The following CAPN8 variants were observed in gnomAD, a reference collection of about 807,000 sequenced individuals.
The protein encoded by CAPN8 is calpain-8.
CAPN8 carries 87 observed loss-of-function variants against 80.9 expected under a neutral mutation model. The observed-to-expected ratio is 1.07, with a 90% confidence interval of 0.90 to 1.28. The LOEUF is 1.28. Ranked by LOEUF, CAPN8 falls within the 50% of genes most tolerant of loss-of-function variation. CAPN8 has a pLI of 0.00. For missense variants in CAPN8, 757 were observed against 702.0 expected (o/e 1.08, Z -0.89); for synonymous variants, 299 against 273.8 (o/e 1.09, Z -0.91).
intron 15 of CAPN8, 28 bp from the exon 16 acceptor site, chr1:223,549,410 G>C (rs1239348616): frequency 6.4e-7 from 1 of 1,551,566 alleles, no homozygotes. Context: ...AAAGGGGAGT[G>C]GGAATCGGAT....
chr1:223,654,425 A>C, intron 1 of CAPN8, 26 bp from the exon 2 acceptor site: 1 of 1,549,494 alleles, frequency 6.5e-7, no homozygotes, highest in Non-Finnish European at 8.7e-7. Flanking sequence ...AACAAAACAC[A>C]AGTCACAAGG....
At chr1:223,634,010 T>C (rs189201242) in intron 2 of CAPN8, among the ~76,000 whole-genome samples, 1 of 152,128 alleles carries the variant, frequency 6.6e-6, no homozygotes, top group Non-Finnish European at 1.5e-5. Flanking sequence ...CTCAGGTAGT[T>C]TGAAGCAGAA....
chr1:223,610,098 C>T (rs1462235700), intron 11 of CAPN8, among the ~76,000 whole-genome samples: 2 of 152,226 alleles, frequency 1.3e-5, no homozygotes, highest in African/African-American at 2.4e-5. Context: ...GTTATTATTG[C>T]TGTAATTAAG....
chr1:223,543,259 T>C, intron 19 of CAPN8, 93 bp from the exon 20 acceptor site: 1 of 1,419,002 alleles, frequency 7.0e-7, no homozygotes, highest in Non-Finnish European at 9.6e-7. Flanking sequence ...CATCCCCACC[T>C]GCGGAACTCT....
intron 2 of CAPN8, among the ~76,000 whole-genome samples, chr1:223,644,963 G>A (rs777359163): frequency 1.8e-4 from 28 of 152,142 alleles, no homozygotes; most frequent in Non-Finnish European, 3.4e-4. Context: ...AAGGAGTATT[G>A]ATTCACACGG....
At chr1:223,610,475 C>T (rs1252745248) in intron 11 of CAPN8, among the ~76,000 whole-genome samples, 1 of 152,156 alleles carries the variant, frequency 6.6e-6, no homozygotes, top group Non-Finnish European at 1.5e-5. Flanking sequence ...CCAAGGCCTA[C>T]ATGTCATGAG....
chr1:223,657,438 GT>G (rs756765542), intron 1 of CAPN8, among the ~76,000 whole-genome samples: 1 of 152,140 alleles, frequency 6.6e-6, no homozygotes, highest in Non-Finnish European at 1.5e-5. Context: ...CTCAATAGGG[GT>G]TTGGAAGAAT....
At chr1:223,616,189 A>C (rs1657181596) in intron 9 of CAPN8, 44 bp from the exon 10 acceptor site, 1 of 1,516,104 alleles carries the variant, frequency 6.6e-7, no homozygotes, top group South Asian at 1.3e-5. Context: ...GTAGCGGGTG[A>C]GGAGATGAAG....
chr1:223,645,838 G>C (rs1426986783), intron 2 of CAPN8, among the ~76,000 whole-genome samples: 1 of 152,188 alleles, frequency 6.6e-6, no homozygotes, highest in Non-Finnish European at 1.5e-5. Flanking sequence ...GAGGCACAAA[G>C]AGTCCTCCTG....
chr1:223,623,940 C>T (rs915321784), intron 6 of CAPN8, among the ~76,000 whole-genome samples: 12 of 148,082 alleles, frequency 8.1e-5, no homozygotes, highest in African/African-American at 2.8e-4. Context: ...TCAGAGGTTG[C>T]AGTGAGCCGA....
At chr1:223,557,957 G>A (rs907081561) in intron 13 of CAPN8, among the ~76,000 whole-genome samples, 174 bp downstream of exon 13, 4 of 152,176 alleles carry the variant, frequency 2.6e-5, no homozygotes, top group Admixed American at 2.0e-4. Flanking sequence ...CTGGGTTCCA[G>A]GGCTACTTCT....
At chr1:223,548,654 A>G (rs1415047098) in intron 16 of CAPN8, among the ~76,000 whole-genome samples, 1 of 152,176 alleles carries the variant, frequency 6.6e-6, no homozygotes, top group Admixed American at 6.5e-5. Context: ...CACAAAATCT[A>G]CCAGCACCTT....
intron 10 of CAPN8, among the ~76,000 whole-genome samples, chr1:223,614,526 G>T (rs1657116146): frequency 1.3e-5 from 2 of 152,250 alleles, no homozygotes; most frequent in South Asian, 4.1e-4. Flanking sequence ...TGTCCTTTTG[G>T]CTGGAATGTT....
chr1:223,662,741 T>C (rs1292161717), intron 1 of CAPN8, among the ~76,000 whole-genome samples: 1 of 152,220 alleles, frequency 6.6e-6, no homozygotes, highest in Non-Finnish European at 1.5e-5. Flanking sequence ...ACCACATTTC[T>C]GGATACCCTG....
intron 16 of CAPN8, 190 bp from the exon 17 acceptor site, chr1:223,545,489 C>T: frequency 2.2e-6 from 2 of 896,388 alleles, no homozygotes; most frequent in Non-Finnish European, 3.3e-6. Context: ...TGCACCAAGG[C>T]TCTCCTCTGA....
intron 3 of CAPN8, among the ~76,000 whole-genome samples, 198 bp downstream of exon 3, chr1:223,628,464 G>A (rs983320993): frequency 3.3e-5 from 5 of 152,260 alleles, no homozygotes; most frequent in African/African-American, 1.2e-4. Context: ...GAGCTGGGAA[G>A]AGGATGGATG....
At chr1:223,630,409 T>C (rs1210883317) in intron 2 of CAPN8, among the ~76,000 whole-genome samples, 1 of 152,068 alleles carries the variant, frequency 6.6e-6, no homozygotes, top group Non-Finnish European at 1.5e-5. Flanking sequence ...CCATCATGGC[T>C]CACTGCAGCC....
chr1:223,558,046 A>T (rs900696801), intron 13 of CAPN8, 85 bp downstream of exon 13: 1 of 398,284 alleles, frequency 2.5e-6, no homozygotes, highest in African/African-American at 2.1e-5. Flanking sequence ...TCCTTAATAC[A>T]TAAAGATTCT....
At chr1:223,658,880 C>T (rs774618402) in intron 1 of CAPN8, among the ~76,000 whole-genome samples, 4 of 152,160 alleles carry the variant, frequency 2.6e-5, no homozygotes, top group Non-Finnish European at 4.4e-5. Flanking sequence ...AAAGAACTTA[C>T]CCCAAATCTC....
Sources: allele counts gnomAD v4.1 joint callset (sites outside exome capture counted in the v4.1 genomes callset), GRCh38; gene constraint gnomAD v4.1.1; transcripts MANE v1.5; gene names NCBI Gene and HGNC (gene_info 2026-07-23, HGNC 2026-07-21).